Variants in ABI3BP observed in about 807,000 individuals in gnomAD.
ABI3BP encodes the protein target of Nesh-SH3.
A neutral mutation model predicts 268.6 loss-of-function variants in ABI3BP; 216 were observed. That is an observed-to-expected ratio of 0.80 (90% CI 0.72 to 0.90). ABI3BP has a LOEUF of 0.90. ABI3BP is among the 40% of genes least tolerant of loss of function. ABI3BP has a pLI of 0.00. For synonymous variants in ABI3BP, 730 were observed against 730.0 expected (o/e 1.00, Z 0.00); for missense variants, 2,090 against 2,182.4 (o/e 0.96, Z 0.84).
intron 48 of ABI3BP, among the ~76,000 whole-genome samples, 170 bp from the exon 49 acceptor site, chr3:100,810,647 G>C (rs1234985680): frequency 6.6e-6 from 1 of 151,928 alleles, no homozygotes; most frequent in Non-Finnish European, 1.5e-5. Flanking sequence ...AAAAAAAAAT[G>C]GTTGCAGATG....
chr3:100,832,344 G>C lies in ABI3BP; in HGVS notation c.2321C>G (p.Thr774Arg). Residue 774 changes from threonine to arginine, a missense_variant, in exon 31 of 68, where the codon ACA becomes AGA. Transcript: ENST00000471714. Reference sequence around the variant, plus strand: ...ACGACGGGTTCTTTTTGTTGTTGTTGTTGGAGCTGAAGGAAGAAAATTTAG... The same window carrying C: ...ACGACGGGTTCTTTTTGTTGTTGTTCTTGGAGCTGAAGGAAGAAAATTTAG... ...PITPGTSSAP[T>R]TTTKRTRRPH... 1 of 1,535,346 alleles carries C rather than the reference G, an allele frequency of 6.5e-7. No homozygotes were observed. Among genetic ancestry groups the C allele is most frequent in the South Asian group, 1.2e-5 (1 of 84,016 alleles).
intron 14 of ABI3BP, among the ~76,000 whole-genome samples, chr3:100,852,411 A>C (rs555726221): frequency 3.3e-5 from 5 of 152,332 alleles, no homozygotes; most frequent in Admixed American, 3.3e-4. Flanking sequence ...AGCACTTCAC[A>C]GTTTGCAGAG....
chr3:100,750,773 G>A (rs1011802324), intron 67 of ABI3BP, among the ~76,000 whole-genome samples, 163 bp from the exon 68 acceptor site: 2 of 152,150 alleles, frequency 1.3e-5, no homozygotes, highest in African/African-American at 4.8e-5. Context: ...TTCCTGAGGT[G>A]TAGTCATGGT....
rs754158368 is a variant in ABI3BP at position 100,911,704 on chromosome 3, C to G, written c.260-9018G>C. On this transcript the variant is annotated intron_variant, in intron 2 of 67. Coordinates refer to ENST00000471714, the MANE Select transcript of ABI3BP (RefSeq NM_001375547.2). ...TCCAGATTGGCAACCACTAAAGGTA[C>G]CCTGTGAAAAAGTCCTCTTTGAGGT... The G allele has an allele frequency of 1.4e-5, 11 of 778,364 alleles. No homozygotes were observed. In the African/African-American group the frequency reaches 1.9e-4, roughly 13 times the overall value. 48.2% of individuals were successfully genotyped at this position (778,364 alleles called of 1,614,324 possible).
intron 1 of ABI3BP, among the ~76,000 whole-genome samples, chr3:100,946,169 G>A (rs2072137679): frequency 1.3e-5 from 2 of 151,818 alleles, no homozygotes; most frequent in South Asian, 2.1e-4. Context: ...TCAGGCATTC[G>A]AGACCAGCCT....
Position 100,862,294 on chromosome 3 carries a change from G to C in ABI3BP, c.1285+17C>G. 1 of 1,551,290 alleles carries C rather than the reference G, an allele frequency of 6.4e-7. No homozygotes were observed. The highest frequency in any genetic ancestry group is 8.7e-7 in the Non-Finnish European group (1 of 1,145,892). ...TCCTTGTTATAATCGATTTTTTTAA[G>C]AAAAGGATTTAATTACCAGTTTGAG... On this transcript the variant is annotated intron_variant, in intron 14 of 67. Transcript: ENST00000471714.
At position 100,968,297 on chromosome 3, in the gene ABI3BP, A is replaced by G. The variant is rs556906694; in HGVS notation, c.79+25009T>C. Among the ~76,000 whole-genome samples, 9 of 152,318 alleles carry G rather than the reference A, an allele frequency of 5.9e-5. No homozygotes were observed. In the East Asian group the frequency reaches 1.5e-3, roughly 26 times the overall value. ...AAATGCCAAGGAAGGAATTTCATGG[A>G]TTAAAAATCTCTTTTAAAGCACTTG... On this transcript the variant is annotated intron_variant, in intron 1 of 67. Transcript: ENST00000471714.
chr3:100,951,673 T>C (rs1190404965), intron 1 of ABI3BP, among the ~76,000 whole-genome samples: 1 of 151,968 alleles, frequency 6.6e-6, no homozygotes, highest in Non-Finnish European at 1.5e-5. Flanking sequence ...AGTCAGGTTT[T>C]ATATACACCT....
intron 57 of ABI3BP, among the ~76,000 whole-genome samples, chr3:100,785,900 CAT>C: frequency 6.6e-6 from 1 of 152,120 alleles, no homozygotes; most frequent in East Asian, 1.9e-4. Context: ...ATTGGATAAT[CAT>C]ATGATTTTTC....
intron 61 of ABI3BP, among the ~76,000 whole-genome samples, chr3:100,773,695 G>A (rs1444875751): frequency 6.6e-6 from 1 of 152,138 alleles, no homozygotes; most frequent in Non-Finnish European, 1.5e-5. Context: ...CCAATGCCAC[G>A]AATGCATTTA....
At chr3:100,937,976 C>T (rs1275621813) in intron 1 of ABI3BP, among the ~76,000 whole-genome samples, 2 of 151,914 alleles carry the variant, frequency 1.3e-5, no homozygotes, top group Non-Finnish European at 2.9e-5. Context: ...TAAAAAAGAA[C>T]AAGAGTAAGT....
intron 63 of ABI3BP, among the ~76,000 whole-genome samples, chr3:100,756,148 TGATGA>T (rs2149362931): frequency 6.6e-6 from 1 of 152,376 alleles, no homozygotes; most frequent in South Asian, 2.1e-4. Context: ...ATGTAAACCC[TGATGA>T]GATAAATCTT....
At chr3:100,959,072 G>A (rs576154716) in intron 1 of ABI3BP, among the ~76,000 whole-genome samples, 1 of 152,268 alleles carries the variant, frequency 6.6e-6, no homozygotes, top group Non-Finnish European at 1.5e-5. Context: ...CCAGAATAAG[G>A]GAACAGGAAA....
chr3:100,955,820 A>G (rs1338818714), intron 1 of ABI3BP, among the ~76,000 whole-genome samples: 2 of 152,228 alleles, frequency 1.3e-5, no homozygotes, highest in Non-Finnish European at 2.9e-5. Flanking sequence ...TGAATAAAAC[A>G]AACAAAAAGC....
chr3:100,804,374 T>C (rs1431464358), intron 51 of ABI3BP, among the ~76,000 whole-genome samples: 2 of 152,192 alleles, frequency 1.3e-5, no homozygotes, highest in Non-Finnish European at 2.9e-5. Flanking sequence ...AATGTGGACA[T>C]AGTACAATTT....
At chr3:100,898,267 G>T (rs892224472) in intron 4 of ABI3BP, among the ~76,000 whole-genome samples, 6 of 152,190 alleles carry the variant, frequency 3.9e-5, no homozygotes, top group Non-Finnish European at 8.8e-5. Context: ...AACACAAATG[G>T]CTGGGCCCCA....
chr3:100,878,665 C>G (rs534313054), intron 6 of ABI3BP, among the ~76,000 whole-genome samples: 2 of 152,134 alleles, frequency 1.3e-5, no homozygotes, highest in African/African-American at 4.8e-5. Context: ...TATTATAAAA[C>G]TATTACATGT....
chr3:100,774,754 TA>T (rs1361998863), intron 60 of ABI3BP, 81 bp from the exon 61 acceptor site: 1 of 1,084,204 alleles, frequency 9.2e-7, no homozygotes, highest in Non-Finnish European at 1.3e-6. Flanking sequence ...AGACTAAAGA[TA>T]TTCAATATTT....
At chr3:100,939,392 AT>A (rs2067807292) in intron 1 of ABI3BP, among the ~76,000 whole-genome samples, 1 of 151,920 alleles carries the variant, frequency 6.6e-6, no homozygotes, top group Non-Finnish European at 1.5e-5. Flanking sequence ...CCCAATAGTC[AT>A]GTAGGTTCTT....
Sources: allele counts gnomAD v4.1 joint callset (sites outside exome capture counted in the v4.1 genomes callset), GRCh38; gene constraint gnomAD v4.1.1; transcripts MANE v1.5; gene names NCBI Gene and HGNC (gene_info 2026-07-23, HGNC 2026-07-21).